The following TTLL5 variants were observed in gnomAD, a reference collection of about 807,000 sequenced individuals.
TTLL5 encodes the protein tubulin tyrosine ligase like 5, also known as tubulin polyglutamylase TTLL5.
Under a neutral mutation model 168.4 loss-of-function variants are expected in TTLL5, and 132 were observed. That is an observed-to-expected ratio of 0.78 (90% CI 0.68 to 0.91). The LOEUF (loss-of-function observed/expected upper bound fraction) is 0.91, where lower values mean the gene tolerates loss of function less well. TTLL5 is among the 40% of genes least tolerant of loss of function. The pLI is 0.00. For missense variants in TTLL5, 1,545 were observed against 1,581.5 expected, an observed-to-expected ratio of 0.98 and a Z score of 0.39; for synonymous variants, 546 against 558.6, an observed-to-expected ratio of 0.98 and a Z score of 0.32.
Position 75,870,954 on chromosome 14 carries a change from C to T in TTLL5, c.3522+7092C>T, listed in dbSNP as rs567959559. The stretch of plus-strand genomic sequence containing the variant: ...GGACTACAGGCGCCCGCCACCACGC[C>T]CAGCTAATTTTTTGTATTTTTAGTA... On this transcript the variant is annotated intron_variant, in intron 29 of 31. Transcript: ENST00000298832. 3.4e-3 allele frequency among the ~76,000 whole-genome samples: 520 copies of T among 152,134 alleles called. 3 individuals are homozygous for T. Among genetic ancestry groups the T allele is most frequent in the Non-Finnish European group, 5.7e-3 (388 of 67,978 alleles).
At chr14:75,808,673 C>T (rs114529833) in intron 27 of TTLL5, among the ~76,000 whole-genome samples, 1 of 152,096 alleles carries the variant, frequency 6.6e-6, no homozygotes, top group Non-Finnish European at 1.5e-5. Flanking sequence ...ACCTTTTGCT[C>T]TAGCAAAACA....
chr14:75,856,706 A>G (rs1897149118), intron 28 of TTLL5, among the ~76,000 whole-genome samples: 1 of 148,952 alleles, frequency 6.7e-6, no homozygotes, highest in African/African-American at 2.5e-5. Context: ...AGCTTACTGC[A>G]ACCTCTGCCT....
chr14:75,689,122 C>T (rs1165322891), intron 5 of TTLL5, among the ~76,000 whole-genome samples: 1 of 152,192 alleles, frequency 6.6e-6, no homozygotes, highest in Non-Finnish European at 1.5e-5. Flanking sequence ...TGGGAGAAAC[C>T]AGTTGTCACG....
At chr14:75,903,102 A>T (rs1255434922) in intron 31 of TTLL5, among the ~76,000 whole-genome samples, 1 of 152,208 alleles carries the variant, frequency 6.6e-6, no homozygotes, top group African/African-American at 2.4e-5. Context: ...ACAGGCACAT[A>T]ATGTAGGAAC....
chr14:75,770,179 G>GGAAA (rs370449905), intron 20 of TTLL5, among the ~76,000 whole-genome samples: 1 of 85,030 alleles, frequency 1.2e-5, no homozygotes, highest in Non-Finnish European at 2.1e-5. Flanking sequence ...ACTCTGTCTC[G>GGAAA]AAAAAAAAAA....
intron 31 of TTLL5, among the ~76,000 whole-genome samples, chr14:75,912,191 T>C (rs1190717895): frequency 2.6e-5 from 4 of 152,078 alleles, no homozygotes; most frequent in African/African-American, 9.7e-5. Context: ...TTTTTTTTTT[T>C]ACATTCAGTT....
intron 28 of TTLL5, among the ~76,000 whole-genome samples, chr14:75,833,705 A>G (rs1442160961): frequency 6.6e-6 from 1 of 152,228 alleles, no homozygotes; most frequent in Non-Finnish European, 1.5e-5. Context: ...GAATCCATGT[A>G]AACATTTCTA....
intron 31 of TTLL5, chr14:75,903,992 T>G: frequency 7.7e-6 from 5 of 648,890 alleles, no homozygotes; most frequent in Non-Finnish European, 9.9e-6. Context: ...AATGAAGCAA[T>G]ATATAGGGAA....
intron 28 of TTLL5, chr14:75,838,573 A>C (rs964503750): frequency 2.6e-5 from 4 of 151,744 alleles, no homozygotes; most frequent in Non-Finnish European, 4.4e-5. Context: ...AAAAAAAAAA[A>C]ACAAAAAGAT....
At chr14:75,916,138 T>A (rs1189355479) in intron 31 of TTLL5, among the ~76,000 whole-genome samples, 1 of 119,538 alleles carries the variant, frequency 8.4e-6, no homozygotes, top group African/African-American at 3.3e-5. Context: ...AACAGAGAGA[T>A]AGAGAGGGAT....
chr14:75,782,018 A>G (rs1248171359), intron 24 of TTLL5, among the ~76,000 whole-genome samples: 1 of 149,846 alleles, frequency 6.7e-6, no homozygotes, highest in African/African-American at 2.5e-5. Context: ...CGTAGTATCC[A>G]GGTATTATGC....
chr14:75,724,177 G>T (rs916238308), intron 12 of TTLL5, among the ~76,000 whole-genome samples: 3 of 152,114 alleles, frequency 2.0e-5, no homozygotes, highest in Non-Finnish European at 4.4e-5. Context: ...CCATCTTATG[G>T]ATCTCTGCCA....
At chr14:75,951,067 G>A (rs2034946800) in intron 31 of TTLL5, among the ~76,000 whole-genome samples, 1 of 152,154 alleles carries the variant, frequency 6.6e-6, no homozygotes, top group African/African-American at 2.4e-5. Context: ...ATCTGGGCCA[G>A]GTGTGGTGGC....
In TTLL5 at chr14:75,711,081, G is replaced by A. The variant is rs1004536086; in HGVS notation, c.740+3374G>A. The A allele has an allele frequency of 3.3e-5, 5 of 152,194 alleles. No homozygotes were observed. In the East Asian group the frequency reaches 7.7e-4, roughly 24 times the overall value. The allele number at this position is 152,194 out of a possible 1,614,324, so 9.4% of individuals were successfully genotyped here. On this transcript the variant is annotated intron_variant, in intron 9 of 31. Transcript: ENST00000298832. ...AATTTTTTAACACAAAATTAAATTCGTGAAAACCCTAGTTTCTGTATAGAT... is the reference window on the plus strand; with the variant it reads ...AATTTTTTAACACAAAATTAAATTCATGAAAACCCTAGTTTCTGTATAGAT...
intron 6 of TTLL5, 134 bp from the exon 7 acceptor site, chr14:75,699,054 G>A: frequency 1.4e-6 from 1 of 726,292 alleles, no homozygotes; most frequent in Non-Finnish European, 2.4e-6. Flanking sequence ...TTTAGTTACT[G>A]CCCAACACTT....
In TTLL5 at chr14:75,869,821, AT is replaced by A. The variant is rs10658095; in HGVS notation, c.3522+5975del. On this transcript the variant is annotated intron_variant, in intron 29 of 31. Coordinates refer to ENST00000298832, the MANE Select transcript of TTLL5 (RefSeq NM_015072.5). ...CTTGCAATGTATACATTCAACAAGT[AT>A]TTTTTTTTTTTTTTTGCGATGGAGT... 8.1e-4 allele frequency among the ~76,000 whole-genome samples: 67 copies of A among 82,422 alleles called. 2 individuals are homozygous for A. Among genetic ancestry groups the A allele is most frequent in the Middle Eastern group, 0.015 (1 of 66 alleles). The allele number at this position is 82,422 out of a possible 152,430, so 54.1% of individuals were successfully genotyped here. A position where few individuals can be genotyped will look rare whatever the true frequency, so the allele number is the denominator to read the frequency against.
intron 27 of TTLL5, 61 bp from the exon 28 acceptor site, chr14:75,819,946 T>C: frequency 6.5e-7 from 1 of 1,531,702 alleles, no homozygotes; most frequent in South Asian, 1.3e-5. Flanking sequence ...GCCTATATGT[T>C]GTTAATGATG....
chr14:75,737,626 GGA>G lies in TTLL5; in HGVS notation c.1281+2340_1281+2341del, dbSNP rs771058135. 6.5e-6 allele frequency: 10 copies of G among 1,532,518 alleles called. No homozygotes were observed. In the Middle Eastern group the frequency reaches 1.2e-3, roughly 179 times the overall value. The allele number at this position is 1,532,518 out of a possible 1,614,324, so 94.9% of individuals were successfully genotyped here. A position where few individuals can be genotyped will look rare whatever the true frequency, so the allele number is the denominator to read the frequency against. On this transcript the variant is annotated intron_variant, in intron 15 of 31. Coordinates refer to ENST00000298832, the MANE Select transcript of TTLL5 (RefSeq NM_015072.5). ...CAAGCAGGTAAGTTCTAGATCTTTT[GGA>G]GACTTCTTCAAATTTTATTTTCATT...
chr14:75,693,728 A>G (rs34681229), intron 6 of TTLL5, among the ~76,000 whole-genome samples: 2,371 of 152,354 alleles, frequency 0.016, 24 homozygotes, highest in Middle Eastern at 0.027. Flanking sequence ...GGGTGGTACC[A>G]GTATCAGAAA....
Sources: allele counts gnomAD v4.1 joint callset (sites outside exome capture counted in the v4.1 genomes callset), GRCh38; gene constraint gnomAD v4.1.1; transcripts MANE v1.5; gene names NCBI Gene and HGNC (gene_info 2026-07-23, HGNC 2026-07-21).